Variants in FLACC1 observed in about 807,000 individuals in gnomAD.
FLACC1 encodes the protein flagellum-associated coiled-coil domain-containing protein 1.
Under a neutral mutation model 62.8 loss-of-function variants are expected in FLACC1, and 66 were observed. The ratio of observed to expected loss-of-function variants is 1.05; its 90% CI spans 0.86 to 1.29. FLACC1 has a LOEUF of 1.29. Among genes scored for constraint, FLACC1 ranks in the 50% most tolerant of loss-of-function variants. FLACC1 has a pLI of 0.00. For synonymous variants in FLACC1, 156 were observed against 161.0 expected, an observed-to-expected ratio of 0.97 and a Z score of 0.24; for missense variants, 452 against 489.1, an observed-to-expected ratio of 0.92 and a Z score of 0.71.
intron 7 of FLACC1, among the ~76,000 whole-genome samples, chr2:201,337,520 T>C (rs983266519): frequency 2.0e-5 from 3 of 152,202 alleles, no homozygotes; most frequent in Admixed American, 1.3e-4. Flanking sequence ...TTTATACTAA[T>C]ACCTTGCCAT....
At chr2:201,337,865 T>TC (rs1184570690) in intron 7 of FLACC1, among the ~76,000 whole-genome samples, 1 of 152,222 alleles carries the variant, frequency 6.6e-6, no homozygotes, top group African/African-American at 2.4e-5. Flanking sequence ...AACTCCAGAT[T>TC]TTTTTTCCCC....
chr2:201,307,692 A>C (rs1188379289), intron 10 of FLACC1, 70 bp from the exon 11 acceptor site: 9 of 1,116,888 alleles, frequency 8.1e-6, no homozygotes, highest in Non-Finnish European at 1.2e-5. Flanking sequence ...GAAACCCAGA[A>C]TATCTAAAGA....
chr2:201,353,051 G>A (rs1951057775), intron 1 of FLACC1, among the ~76,000 whole-genome samples: 1 of 152,184 alleles, frequency 6.6e-6, no homozygotes, highest in Non-Finnish European at 1.5e-5. Flanking sequence ...TTTCAGAATT[G>A]TAAGATTGTT....
At chr2:201,316,125 T>G (rs1950303701) in intron 9 of FLACC1, among the ~76,000 whole-genome samples, 1 of 151,738 alleles carries the variant, frequency 6.6e-6, no homozygotes, top group Non-Finnish European at 1.5e-5. Flanking sequence ...AAACAGACAA[T>G]ATAAGGTCAC....
intron 7 of FLACC1, among the ~76,000 whole-genome samples, chr2:201,331,216 C>A (rs1025774433): frequency 6.6e-6 from 1 of 152,064 alleles, no homozygotes; most frequent in Non-Finnish European, 1.5e-5. Context: ...AAGCAATCCT[C>A]CTGCGTTGAC....
At chr2:201,303,256 C>T (rs772709253) in intron 11 of FLACC1, among the ~76,000 whole-genome samples, 20 of 151,960 alleles carry the variant, frequency 1.3e-4, no homozygotes, top group Non-Finnish European at 2.7e-4. Flanking sequence ...ATATCACCAC[C>T]GATCCCACAG....
At chr2:201,291,737 G>T (rs560215307) in intron 12 of FLACC1, among the ~76,000 whole-genome samples, 1 of 152,330 alleles carries the variant, frequency 6.6e-6, no homozygotes, top group Non-Finnish European at 1.5e-5. Flanking sequence ...CGAGCTAAAG[G>T]AGAAAGTTCG....
chr2:201,302,268 AG>A (rs1313745021), intron 11 of FLACC1, among the ~76,000 whole-genome samples: 4 of 152,208 alleles, frequency 2.6e-5, no homozygotes. Flanking sequence ...AAAAAAAGGC[AG>A]GGGTTGCAAT....
At chr2:201,315,948 GATT>G (rs1950299218) in intron 9 of FLACC1, among the ~76,000 whole-genome samples, 1 of 152,086 alleles carries the variant, frequency 6.6e-6, no homozygotes, top group African/African-American at 2.4e-5. Context: ...GTTCCTGAAT[GATT>G]ATTGAGTCAA....
intron 1 of FLACC1, among the ~76,000 whole-genome samples, chr2:201,352,434 A>T (rs1409766662): frequency 3.3e-5 from 5 of 152,230 alleles, no homozygotes; most frequent in Admixed American, 3.3e-4. Flanking sequence ...TTTCTTTTCC[A>T]GAATCCAACT....
At chr2:201,295,921 A>T (rs1357441364) in intron 12 of FLACC1, among the ~76,000 whole-genome samples, 2 of 152,256 alleles carry the variant, frequency 1.3e-5, no homozygotes, top group Non-Finnish European at 2.9e-5. Context: ...AATGTTCATC[A>T]TCACTGGCCA....
At chr2:201,301,788 C>T (rs1161401528) in intron 11 of FLACC1, among the ~76,000 whole-genome samples, 1 of 152,172 alleles carries the variant, frequency 6.6e-6, no homozygotes, top group Admixed American at 6.5e-5. Context: ...ATTCAACATT[C>T]TTAAAGAAAA....
At chr2:201,291,717 CA>C (rs1299247955) in intron 12 of FLACC1, among the ~76,000 whole-genome samples, 3 of 152,176 alleles carry the variant, frequency 2.0e-5, no homozygotes, top group Non-Finnish European at 4.4e-5. Flanking sequence ...TTCAGATGAT[CA>C]AACTACTCCG....
chr2:201,313,461 C>A (rs1179994011), intron 9 of FLACC1, among the ~76,000 whole-genome samples: 1 of 152,092 alleles, frequency 6.6e-6, no homozygotes, highest in African/African-American at 2.4e-5. Flanking sequence ...TCCCTGACAA[C>A]CTGCACGACA....
intron 12 of FLACC1, among the ~76,000 whole-genome samples, chr2:201,293,559 A>C (rs1451447468): frequency 6.6e-6 from 1 of 152,232 alleles, no homozygotes; most frequent in Non-Finnish European, 1.5e-5. Context: ...AATGCCCACA[A>C]GAGAAAGCAG....
chr2:201,341,765 C>T (rs978423113), intron 7 of FLACC1, among the ~76,000 whole-genome samples: 3 of 152,218 alleles, frequency 2.0e-5, no homozygotes, highest in Non-Finnish European at 4.4e-5. Context: ...ACAATATAAA[C>T]TTGTTCACCC....
At position 201,330,782 on chromosome 2, in the gene FLACC1, G is replaced by C; in HGVS notation, c.576C>G (p.Tyr192Ter). 1 of 1,613,856 alleles carries C rather than the reference G, an allele frequency of 6.2e-7. No individual in the cohort carries two copies. The highest frequency in any genetic ancestry group is 8.5e-7 in the Non-Finnish European group (1 of 1,179,992). ...EAELSELENN[Y>*]KAALKAEKLA... ...ACTTCTCTGCCTTCAAGGCTGCTTT[G>C]TAGTTGTTCTCCAACTCACTGAGTT... is the stretch of plus-strand genomic sequence containing the variant. The change falls in exon 8 of 15, where the codon TAC (tyrosine) becomes TAG (stop). Residue 192 changes from tyrosine (Y) to a stop codon, truncating the protein, a stop_gained. Coordinates refer to ENST00000392257, the MANE Select transcript of FLACC1 (RefSeq NM_001127391.3). LOFTEE classifies it high-confidence loss of function.
chr2:201,295,201 C>T (rs1949832197), intron 12 of FLACC1, among the ~76,000 whole-genome samples: 1 of 152,146 alleles, frequency 6.6e-6, no homozygotes, highest in African/African-American at 2.4e-5. Flanking sequence ...GCCCGCATTG[C>T]CAAGTCAATC....
At chr2:201,317,376 C>G (rs1950325972) in intron 9 of FLACC1, among the ~76,000 whole-genome samples, 1 of 152,092 alleles carries the variant, frequency 6.6e-6, no homozygotes, top group African/African-American at 2.4e-5. Flanking sequence ...TTAATGTGCA[C>G]AAATCAGTAG....
Sources: allele counts gnomAD v4.1 joint callset (sites outside exome capture counted in the v4.1 genomes callset), GRCh38; gene constraint gnomAD v4.1.1; transcripts MANE v1.5; gene names NCBI Gene and HGNC (gene_info 2026-07-23, HGNC 2026-07-21).